Variants in MTNR1B observed in about 807,000 individuals in gnomAD.
MTNR1B encodes melatonin receptor type 1B.
Under a neutral mutation model 7.0 loss-of-function variants are expected in MTNR1B, and 7 were observed. That is an observed-to-expected ratio of 1.00 (90% confidence interval 0.57 to 1.88). The LOEUF is 1.88. Among genes scored for constraint, MTNR1B ranks in the 40% most tolerant of loss-of-function variants. MTNR1B has a pLI of 0.00. For synonymous variants in MTNR1B, 226 were observed against 208.2 expected, an observed-to-expected ratio of 1.09 and a Z score of -0.74; for missense variants, 478 against 486.5, an observed-to-expected ratio of 0.98 and a Z score of 0.16.
chr11:92,978,156 G>A lies in MTNR1B; in HGVS notation c.224-3291G>A, dbSNP rs139365413. Among the ~76,000 whole-genome samples, 136 of 152,278 alleles carry A rather than the reference G, an allele frequency of 8.9e-4. 1 individual carries two copies. Among genetic ancestry groups the A allele is most frequent in the African/African-American group, 3.1e-3 (128 of 41,562 alleles). ...ATGGAGGGTGAGCACAGAGGAGGGG[G>A]GCAAGGGTTACAGGGAGCTTTACCT... On this transcript the variant is annotated intron_variant, in intron 1 of 1. Transcript: ENST00000257068.
At position 92,982,498 on chromosome 11, in the gene MTNR1B, A is replaced by T; in HGVS notation, c.*186A>T. The T allele has an allele frequency of 1.5e-6, 1 of 672,972 alleles. No individual in the cohort carries two copies. 41.7% of individuals were successfully genotyped at this position (672,972 alleles called of 1,614,324 possible). ...CGCCATGGGTTCAGGCTGATCCAGG[A>T]GATGCTCACAGGCCACAGGACCTGG... On this transcript the variant is annotated 3_prime_UTR_variant, in exon 2 of 2. Transcript: ENST00000257068.
At chr11:92,974,762 C>T (rs1857987210) in intron 1 of MTNR1B, among the ~76,000 whole-genome samples, 1 of 152,200 alleles carries the variant, frequency 6.6e-6, no homozygotes, top group Non-Finnish European at 1.5e-5. Context: ...GCCACCTCGC[C>T]CGGCTAATTT....
downstream of MTNR1B, chr11:92,984,702 T>C: frequency 2.9e-6 from 1 of 350,574 alleles, no homozygotes; most frequent in South Asian, 2.3e-5. Flanking sequence ...TCAGTAAATA[T>C]GGATTGAAGG....
intron 1 of MTNR1B, among the ~76,000 whole-genome samples, chr11:92,974,584 G>T (rs1857982955): frequency 6.6e-6 from 1 of 151,708 alleles, no homozygotes. Context: ...GGGATTACAG[G>T]CATGAGCCAC....
intron 1 of MTNR1B, chr11:92,972,410 C>T (rs909330062): frequency 9.6e-5 from 44 of 456,028 alleles, no homozygotes; most frequent in South Asian, 5.9e-4. Flanking sequence ...CTAACAGTGC[C>T]GCTCCTGATG....
chr11:92,983,520 GA>G (rs1191133660), downstream of MTNR1B, among the ~76,000 whole-genome samples: 1,649 of 100,150 alleles, frequency 0.016, 29 homozygotes, highest in African/African-American at 0.05. Context: ...CCCTGTCTCA[GA>G]AAAAAAAAAA....
At chr11:92,980,940 T>C (rs1323923560) in intron 1 of MTNR1B, among the ~76,000 whole-genome samples, 1 of 152,152 alleles carries the variant, frequency 6.6e-6, no homozygotes, top group African/African-American at 2.4e-5. Context: ...ACTTAGAAAG[T>C]AGCCTGTTAA....
rs1452302668 is a variant in MTNR1B at position 92,981,617 on chromosome 11, A to C, written c.394A>C (p.Thr132Pro). ...LSVIGSVFNITAIAINRYCYI... is the reference protein window; with the variant it reads ...LSVIGSVFNIPAIAINRYCYI... ...CGTCATCGGCTCTGTCTTCAATATC[A>C]CTGCCATCGCCATTAACCGCTACTG... The change falls in exon 2 of 2, where the codon ACT becomes CCT. Residue 132 changes from threonine to proline, a missense_variant. Coordinates refer to ENST00000257068, the MANE Select transcript of MTNR1B (RefSeq NM_005959.5). 1 of 1,613,870 alleles carries C rather than the reference A, an allele frequency of 6.2e-7. No individual in the cohort carries two copies. The highest frequency in any genetic ancestry group is 1.3e-5 in the African/African-American group (1 of 74,842).
Position 92,969,814 on chromosome 11 carries a change from C to G in MTNR1B, c.89C>G (p.Pro30Arg). Residue 30 changes from proline to arginine, a missense_variant, in exon 1 of 2, where the codon CCC becomes CGC. Physicochemically the swap from Pro to Arg is moderately radical, Grantham distance 103. Transcript: ENST00000257068. ...TGGTCGGGGGCTGGCAGCGCGCGGC[C>G]CTCCAGGACCCCTCGACCTCCCTGG... is the stretch of plus-strand genomic sequence containing the variant. Reference protein sequence around the residue: ...PGWSGAGSARPSRTPRPPWVA... With the variant: ...PGWSGAGSARRSRTPRPPWVA... 6.4e-7 allele frequency: 1 copy of G among 1,572,856 alleles called. No individual in the cohort carries two copies.
At position 92,982,678 on chromosome 11, in the gene MTNR1B, C is replaced by G. The variant is rs571499125; in HGVS notation, c.*366C>G. 1.1e-4 allele frequency: 30 copies of G among 279,256 alleles called. No homozygotes were observed. The highest frequency in any genetic ancestry group is 1.3e-4 in the Non-Finnish European group (20 of 148,810). The allele number at this position is 279,256 out of a possible 1,614,324, so 17.3% of individuals were successfully genotyped here. A position where few individuals can be genotyped will look rare whatever the true frequency, so the allele number is the denominator to read the frequency against. On this transcript the variant is annotated 3_prime_UTR_variant, in exon 2 of 2. Coordinates refer to ENST00000257068, the MANE Select transcript of MTNR1B (RefSeq NM_005959.5). ...TCCTGGCTGCTTTCTCCCCTTCCCC[C>G]CAGCGTGGCAGGATCTCTTCCTGTT...
intron 1 of MTNR1B, among the ~76,000 whole-genome samples, chr11:92,978,932 C>A (rs1290820302): frequency 1.3e-5 from 2 of 152,178 alleles, no homozygotes; most frequent in Admixed American, 6.5e-5. Context: ...TTTCTCTGCT[C>A]AGCTTGCAAG....
chr11:92,976,093 C>A (rs1291859910), intron 1 of MTNR1B, among the ~76,000 whole-genome samples: 1 of 152,186 alleles, frequency 6.6e-6, no homozygotes, highest in Admixed American at 6.5e-5. Flanking sequence ...CTCTTTAATT[C>A]CTCCCATGTA....
rs1591900563 is a variant in MTNR1B, at chr11:92,969,655, T to G, written c.-71T>G. 8.9e-6 allele frequency: 12 copies of G among 1,344,750 alleles called. No homozygotes were observed. The highest frequency in any genetic ancestry group is 1.1e-5 in the Non-Finnish European group (12 of 1,048,030). 83.3% of individuals were successfully genotyped at this position (1,344,750 alleles called of 1,614,324 possible). ...CTGGGCAGGGAAGAGAGCGCCCGGCTCAGTACTGCGCGCGCCCTGCGGCTG... is the reference window on the plus strand; with the variant it reads ...CTGGGCAGGGAAGAGAGCGCCCGGCGCAGTACTGCGCGCGCCCTGCGGCTG... On this transcript the variant is annotated 5_prime_UTR_variant, in exon 1 of 2. Transcript: ENST00000257068.
intron 1 of MTNR1B, among the ~76,000 whole-genome samples, chr11:92,974,852 T>C (rs1454018653): frequency 6.6e-6 from 1 of 152,188 alleles, no homozygotes; most frequent in Non-Finnish European, 1.5e-5. Flanking sequence ...TCCGCCCGCC[T>C]TGGCCTCCCA....
chr11:92,970,072 T>A, intron 1 of MTNR1B, 124 bp downstream of exon 1: 1 of 1,258,848 alleles, frequency 7.9e-7, no homozygotes, highest in African/African-American at 1.5e-5. Context: ...TTCCCTTCAC[T>A]CTAACCTATT....
chr11:92,970,498 T>A (rs1242348686), intron 1 of MTNR1B, among the ~76,000 whole-genome samples: 3 of 152,234 alleles, frequency 2.0e-5, no homozygotes, highest in African/African-American at 7.2e-5. Flanking sequence ...ATGCAGAAAT[T>A]GCAGATTCTG....
intron 1 of MTNR1B, among the ~76,000 whole-genome samples, chr11:92,971,581 G>A (rs765306598): frequency 6.6e-6 from 1 of 152,174 alleles, no homozygotes; most frequent in Non-Finnish European, 1.5e-5. Context: ...GGGGAGAAAT[G>A]GGTCCTCCTG....
rs117551072 is a variant in MTNR1B, at chr11:92,982,467, C to A, written c.*155C>A. On this transcript the variant is annotated 3_prime_UTR_variant, in exon 2 of 2. Transcript: ENST00000257068. ...GAACTTCATGCTGGGACAAGCAGCC[C>A]ATCAACGCCATGGGTTCAGGCTGAT... 1.6e-5 allele frequency: 14 copies of A among 871,976 alleles called. No homozygotes were observed. The highest frequency in any genetic ancestry group is 1.3e-4 in the East Asian group (5 of 37,520). 54.0% of individuals were successfully genotyped at this position (871,976 alleles called of 1,614,324 possible).
chr11:92,970,706 GC>G (rs1383035519), intron 1 of MTNR1B, among the ~76,000 whole-genome samples: 3 of 152,160 alleles, frequency 2.0e-5, no homozygotes, highest in Non-Finnish European at 4.4e-5. Flanking sequence ...AGAGTGGGGG[GC>G]AGTATCTGAA....
Sources: allele counts gnomAD v4.1 joint callset (sites outside exome capture counted in the v4.1 genomes callset), GRCh38; gene constraint gnomAD v4.1.1; transcripts MANE v1.5; gene names NCBI Gene and HGNC (gene_info 2026-07-23, HGNC 2026-07-21).